The following CADPS variants were observed in gnomAD, a reference collection of about 807,000 sequenced individuals.
CADPS encodes the protein calcium dependent secretion activator.
CADPS carries 57 observed loss-of-function variants against 167.3 expected under a neutral mutation model. The ratio of observed to expected loss-of-function variants is 0.34; its 90% confidence interval spans 0.28 to 0.42. The LOEUF is 0.42. CADPS is among the 20% of genes least tolerant of loss of function. CADPS has a pLI of 1.00. For missense variants in CADPS, 1,414 were observed against 1,738.1 expected (o/e 0.81, Z 3.32); for synonymous variants, 676 against 635.3 (o/e 1.06, Z -0.96).
chr3:62,536,613 A>ATTTAGAGAGACACAG (rs771092333), intron 11 of CADPS, 32 bp from the exon 12 acceptor site: 11 of 1,603,038 alleles, frequency 6.9e-6, no homozygotes, highest in Non-Finnish European at 9.4e-6. Flanking sequence ...GAGAGACACA[A>ATTTAGAGAGACACAG]TTTAGAGAAA....
chr3:62,536,381 G>A, intron 12 of CADPS, 64 bp downstream of exon 12: 1 of 1,393,634 alleles, frequency 7.2e-7, no homozygotes, highest in Non-Finnish European at 1.0e-6. Context: ...CATAAAGGTA[G>A]AGAAATATTT....
chr3:62,698,699 T>C (rs1686725516), intron 3 of CADPS, among the ~76,000 whole-genome samples: 1 of 150,076 alleles, frequency 6.7e-6, no homozygotes, highest in East Asian at 2.0e-4. Flanking sequence ...CTTCTTCTCC[T>C]TCTTCCTCTC....
intron 3 of CADPS, among the ~76,000 whole-genome samples, chr3:62,728,981 A>G (rs2077248777): frequency 6.6e-6 from 1 of 151,860 alleles, no homozygotes; most frequent in African/African-American, 2.4e-5. Flanking sequence ...CATCTATAAA[A>G]TGGTGGTATT....
At position 62,465,264 on chromosome 3, in the gene CADPS, A is replaced by C. The variant is rs1263348598; in HGVS notation, c.3636+103T>G. 3 of 745,760 alleles carry C rather than the reference A, an allele frequency of 4.0e-6. No individual in the cohort carries two copies. In the East Asian group the frequency reaches 7.4e-5, roughly 18 times the overall value. 46.2% of individuals were successfully genotyped at this position (745,760 alleles called of 1,614,324 possible). ...TATACAATAGTTGACTATAATTAAC[A>C]CACACACCCATCCCAAAACAAAATG... On this transcript the variant is annotated intron_variant, in intron 26 of 29. Transcript: ENST00000383710. The surrounding 1 kb of genome is among the most constrained non-coding windows in gnomAD (Gnocchi z 4.1).
At chr3:62,591,829 G>A (rs930452977) in intron 7 of CADPS, among the ~76,000 whole-genome samples, 1 of 152,052 alleles carries the variant, frequency 6.6e-6, no homozygotes, top group Non-Finnish European at 1.5e-5. Flanking sequence ...TGAGTGGGTG[G>A]GTCCAGGGAT....
chr3:62,505,919 T>C (rs949948997), intron 17 of CADPS, among the ~76,000 whole-genome samples: 2 of 152,186 alleles, frequency 1.3e-5, no homozygotes, highest in East Asian at 3.9e-4. Flanking sequence ...AGTGCTTTCA[T>C]GAAAAATAAA....
chr3:62,557,557 T>A (rs2078378086), intron 9 of CADPS, 44 bp from the exon 10 acceptor site: 1 of 1,481,472 alleles, frequency 6.8e-7, no homozygotes, highest in Admixed American at 1.7e-5. Context: ...CTGGAGCCTG[T>A]CTTCTCCAAA....
At chr3:62,566,002 C>T (rs1281194135) in intron 9 of CADPS, among the ~76,000 whole-genome samples, 4 of 152,142 alleles carry the variant, frequency 2.6e-5, no homozygotes, top group Admixed American at 6.6e-5. Context: ...AGACAATTTT[C>T]GTTGTTTTAA....
At chr3:62,617,744 G>C (rs1290243129) in intron 6 of CADPS, among the ~76,000 whole-genome samples, 1 of 152,176 alleles carries the variant, frequency 6.6e-6, no homozygotes, top group Non-Finnish European at 1.5e-5. Flanking sequence ...AGAAGTGCTG[G>C]TGGTTATGGA....
chr3:62,640,807 T>A (rs2067259039), intron 6 of CADPS, among the ~76,000 whole-genome samples: 1 of 152,218 alleles, frequency 6.6e-6, no homozygotes, highest in South Asian at 2.1e-4. Flanking sequence ...AGCAAAATTA[T>A]TTAAGTGTTC....
rs1215385722 is a variant in CADPS, at chr3:62,599,543, TATATA to T, written c.1326-6800_1326-6796del. Among the ~76,000 whole-genome samples, 13 of 98,648 alleles carry T rather than the reference TATATA, an allele frequency of 1.3e-4. No homozygotes were observed. In the East Asian group the frequency reaches 3.1e-3, roughly 23 times the overall value. The allele number at this position is 98,648 out of a possible 152,430, so 64.7% of individuals were successfully genotyped here. On this transcript the variant is annotated intron_variant, in intron 6 of 29. Coordinates refer to ENST00000383710, the MANE Select transcript of CADPS (RefSeq NM_003716.4). ...TATTACATATATATTATATATATTA[TATATA>T]ATATAAATTATATAATTATATAAAT... is the stretch of plus-strand genomic sequence containing the variant.
intron 1 of CADPS, among the ~76,000 whole-genome samples, chr3:62,798,342 C>A (rs572463914): frequency 6.6e-6 from 1 of 152,054 alleles, no homozygotes; most frequent in African/African-American, 2.4e-5. Context: ...AATCTTCCAG[C>A]CTTCATCCTC....
chr3:62,550,461 C>G (rs2077147284), intron 10 of CADPS, among the ~76,000 whole-genome samples: 1 of 152,160 alleles, frequency 6.6e-6, no homozygotes, highest in Non-Finnish European at 1.5e-5. Context: ...TACCACATCT[C>G]TCCCTTCAGC....
chr3:62,499,287 T>A lies in CADPS; in HGVS notation c.2600-19A>T. The A allele has an allele frequency of 6.4e-7, 1 of 1,557,412 alleles. No homozygotes were observed. Among genetic ancestry groups the A allele is most frequent in the Non-Finnish European group, 8.9e-7 (1 of 1,128,572 alleles). ...ACATTTTCTGTAGTACAAGAGTTTG[T>A]GTTAAAATTCAGCGAAAGTGGCAGG... On this transcript the variant is annotated intron_variant, in intron 17 of 29. Transcript: ENST00000383710.
chr3:62,503,703 G>A (rs2066148926), intron 17 of CADPS, among the ~76,000 whole-genome samples: 1 of 152,164 alleles, frequency 6.6e-6, no homozygotes, highest in Admixed American at 6.5e-5. Context: ...AAACTTGCCA[G>A]CTTATCAAAT....
chr3:62,445,661 A>C, intron 27 of CADPS, 104 bp downstream of exon 27: 2 of 729,296 alleles, frequency 2.7e-6, no homozygotes, highest in South Asian at 4.5e-5. Flanking sequence ...GCTAGCAGCA[A>C]TTAATATGAG....
At chr3:62,781,869 G>A (rs529609967) in intron 1 of CADPS, among the ~76,000 whole-genome samples, 3 of 152,314 alleles carry the variant, frequency 2.0e-5, no homozygotes, top group Non-Finnish European at 4.4e-5. Context: ...AAGGACCACA[G>A]CAGGCCTTAC....
intron 3 of CADPS, among the ~76,000 whole-genome samples, chr3:62,696,755 G>C (rs1281822171): frequency 6.6e-6 from 1 of 151,938 alleles, no homozygotes; most frequent in Non-Finnish European, 1.5e-5. Context: ...TCTGTTTCTT[G>C]ACTGGCCCTT....
At chr3:62,513,182 C>G (rs1451305116) in intron 16 of CADPS, among the ~76,000 whole-genome samples, 1 of 152,036 alleles carries the variant, frequency 6.6e-6, no homozygotes, top group African/African-American at 2.4e-5. Flanking sequence ...AGAGAATGGA[C>G]CACCTGGTGT....
Sources: gnomAD v4.1 joint callset for allele counts (sites outside exome capture counted in the v4.1 genomes callset) on GRCh38, gnomAD v4.1.1 for gene constraint, Gnocchi (gnomAD v3.1) non-coding constraint, MANE v1.5 for transcripts, NCBI Gene and HGNC (gene_info 2026-07-23, HGNC 2026-07-21) for gene names.